Variants in ERGIC2 observed in about 807,000 individuals in gnomAD.
ERGIC2 encodes the protein endoplasmic reticulum-Golgi intermediate compartment protein 2.
A neutral mutation model predicts 52.5 loss-of-function variants in ERGIC2; 31 were observed. The observed-to-expected ratio is 0.59, with a 90% CI of 0.44 to 0.80. The LOEUF is 0.80. Ranked by LOEUF, ERGIC2 falls within the 30% of genes least tolerant of loss-of-function variation. The pLI is 0.00. For missense variants in ERGIC2, 395 were observed against 455.2 expected, an observed-to-expected ratio of 0.87 and a Z score of 1.20; for synonymous variants, 129 against 140.6, an observed-to-expected ratio of 0.92 and a Z score of 0.58.
intron 1 of ERGIC2, chr12:29,372,808 T>G (rs1003906060): frequency 2.6e-5 from 4 of 151,882 alleles, no homozygotes; most frequent in South Asian, 2.1e-4. Context: ...GGCATGCACC[T>G]CCACCCCCAG....
At chr12:29,352,621 G>A (rs947004900) in intron 8 of ERGIC2, among the ~76,000 whole-genome samples, 10 of 152,104 alleles carry the variant, frequency 6.6e-5, no homozygotes, top group African/African-American at 1.9e-4. Flanking sequence ...CCCAGATCAC[G>A]TCACTGTACT....
intron 5 of ERGIC2, among the ~76,000 whole-genome samples, chr12:29,365,187 G>A (rs948632702): frequency 1.5e-4 from 23 of 151,888 alleles, no homozygotes; most frequent in Non-Finnish European, 7.4e-5. Flanking sequence ...TCACAATAGC[G>A]AATACATGGA....
rs367724085 is a variant in ERGIC2, at chr12:29,370,115, T to G, written c.214A>C (p.Ser72Arg). 6.7e-7 allele frequency: 1 copy of G among 1,503,440 alleles called. No individual in the cohort carries two copies. Among genetic ancestry groups the G allele is most frequent in the South Asian group, 1.4e-5 (1 of 71,992 alleles). The allele number at this position is 1,503,440 out of a possible 1,614,324, so 93.1% of individuals were successfully genotyped here. A position where few individuals can be genotyped will look rare whatever the true frequency, so the allele number is the denominator to read the frequency against. Residue 72 changes from serine (S) to arginine (R), a missense_variant and splice_region_variant, in exon 3 of 14, where the codon AGC (serine) becomes CGC (arginine). Transcript: ENST00000360150. ...YEYEVDKDFS[S>R]KLRINIDITV... ...TCCAAGAAGAAAAAAAATGATTACC[T>G]AGAAAAATCCTTGTCTACTTCGTAT...
At chr12:29,356,537 G>GA (rs2136863309) in intron 7 of ERGIC2, 60 bp from the exon 8 acceptor site, 1 of 854,454 alleles carries the variant, frequency 1.2e-6, no homozygotes, top group Non-Finnish European at 1.8e-6. Flanking sequence ...TTTATGATGA[G>GA]AAAAATGTGT....
At chr12:29,362,066 C>G (rs1940294280) in intron 5 of ERGIC2, among the ~76,000 whole-genome samples, 1 of 152,076 alleles carries the variant, frequency 6.6e-6, no homozygotes, top group African/African-American at 2.4e-5. Flanking sequence ...ATCCAAAGCC[C>G]AAATTCTTGC....
chr12:29,356,340 C>G (rs1403000772), intron 8 of ERGIC2, 42 bp downstream of exon 8: 7 of 1,215,382 alleles, frequency 5.8e-6, no homozygotes, highest in Non-Finnish European at 8.5e-6. Context: ...AACCAAGCTC[C>G]AACTTTGTCT....
intron 1 of ERGIC2, among the ~76,000 whole-genome samples, chr12:29,375,613 T>C (rs1406090268): frequency 6.6e-6 from 1 of 152,246 alleles, no homozygotes; most frequent in Non-Finnish European, 1.5e-5. Context: ...TATATTTGTA[T>C]AATGAGCTTT....
chr12:29,353,567 TCAAATTTGGAGTATTTTGAATGCTC>T (rs1940162095), intron 8 of ERGIC2, among the ~76,000 whole-genome samples: 1 of 152,080 alleles, frequency 6.6e-6, no homozygotes, highest in South Asian at 2.1e-4. Flanking sequence ...TTGACAATGC[TCAAATTTGGAGTATTTTGAATGCTC>T]CAAATTTGGA....
chr12:29,366,597 C>T (rs1233811531), intron 5 of ERGIC2, among the ~76,000 whole-genome samples: 1 of 151,608 alleles, frequency 6.6e-6, no homozygotes, highest in African/African-American at 2.4e-5. Flanking sequence ...AAGGAAACTA[C>T]TGGAAAGTAA....
At chr12:29,375,992 C>A (rs1940509779) in intron 1 of ERGIC2, among the ~76,000 whole-genome samples, 1 of 152,210 alleles carries the variant, frequency 6.6e-6, no homozygotes, top group Non-Finnish European at 1.5e-5. Context: ...TGTCTGCTCT[C>A]TTTATAAAAC....
rs766662864 is a variant in ERGIC2, at chr12:29,356,413, C to T, written c.541G>A (p.Val181Ile). The T allele has an allele frequency of 1.9e-6, 3 of 1,598,970 alleles. No homozygotes were observed. The highest frequency in any genetic ancestry group is 2.6e-6 in the Non-Finnish European group (3 of 1,166,322). ...RIHGHLYVNK[V>I]AGNFHITVGK... ...ACTGTTATGTGAAAATTCCCTGCTA[C>T]TTTATTGACATATAGATGGCCATGA... Residue 181 changes from valine to isoleucine, a missense_variant, in exon 8 of 14, where the codon GTA becomes ATA. Transcript: ENST00000360150.
intron 1 of ERGIC2, among the ~76,000 whole-genome samples, chr12:29,377,764 T>A (rs1940533923): frequency 6.6e-6 from 1 of 152,204 alleles, no homozygotes. Context: ...TATTTCATCA[T>A]TGTATCCATC....
intron 8 of ERGIC2, among the ~76,000 whole-genome samples, chr12:29,354,374 C>T (rs558005924): frequency 6.6e-6 from 1 of 152,310 alleles, no homozygotes; most frequent in South Asian, 2.1e-4. Flanking sequence ...GTAGCCAATA[C>T]ATCTGTTTCA....
At position 29,338,847 on chromosome 12, in the gene ERGIC2, TA is replaced by T. The variant is rs1949816986; in HGVS notation, c.*2308del. On this transcript the variant is annotated 3_prime_UTR_variant, in exon 14 of 14. Coordinates refer to ENST00000360150, the MANE Select transcript of ERGIC2 (RefSeq NM_016570.3). The stretch of plus-strand genomic sequence containing the variant: ...ATTTTTAAATATGTAGTCTGGAATA[TA>T]AACATATAGATATTATGAATACTCT... 2.0e-5 allele frequency: 3 copies of T among 152,148 alleles called. No homozygotes were observed. The highest frequency in any genetic ancestry group is 2.0e-4 in the Admixed American group (3 of 15,264). 9.4% of individuals were successfully genotyped at this position (152,148 alleles called of 1,614,324 possible). A position where few individuals can be genotyped will look rare whatever the true frequency, so the allele number is the denominator to read the frequency against.
intron 8 of ERGIC2, among the ~76,000 whole-genome samples, chr12:29,353,277 C>T (rs1940158026): frequency 6.6e-6 from 1 of 152,086 alleles, no homozygotes; most frequent in Admixed American, 6.5e-5. Flanking sequence ...AGTGTATTAC[C>T]TCAAGCTTAC....
intron 3 of ERGIC2, among the ~76,000 whole-genome samples, chr12:29,369,850 C>T (rs1306754666): frequency 6.6e-6 from 1 of 151,856 alleles, no homozygotes; most frequent in African/African-American, 2.4e-5. Flanking sequence ...CCACAATATA[C>T]ATATCTAAGG....
chr12:29,364,985 A>G (rs1322137240), intron 5 of ERGIC2, among the ~76,000 whole-genome samples: 1 of 152,002 alleles, frequency 6.6e-6, no homozygotes, highest in Non-Finnish European at 1.5e-5. Flanking sequence ...GGCTGTGGAG[A>G]AAAGGGAACA....
At chr12:29,366,446 T>C (rs775771986) in intron 5 of ERGIC2, among the ~76,000 whole-genome samples, 26 of 151,950 alleles carry the variant, frequency 1.7e-4, no homozygotes, top group African/African-American at 4.8e-5. Flanking sequence ...TACTACTTTA[T>C]TCTTGATTGT....
chr12:29,375,108 C>T (rs1446586348), intron 1 of ERGIC2, among the ~76,000 whole-genome samples: 2 of 152,072 alleles, frequency 1.3e-5, no homozygotes, highest in Non-Finnish European at 2.9e-5. Context: ...TTTTTCTTCC[C>T]CCTACCGCAT....
Sources: allele counts gnomAD v4.1 joint callset (sites outside exome capture counted in the v4.1 genomes callset), GRCh38; gene constraint gnomAD v4.1.1; transcripts MANE v1.5; gene names NCBI Gene and HGNC (gene_info 2026-07-23, HGNC 2026-07-21).